Variants in TDRD12 observed in about 807,000 individuals in gnomAD.
The protein encoded by TDRD12 is putative ATP-dependent RNA helicase TDRD12.
A neutral mutation model predicts 133.5 loss-of-function variants in TDRD12; 158 were observed. That is an observed-to-expected ratio of 1.18 (90% CI 1.04 to 1.35). The LOEUF (loss-of-function observed/expected upper bound fraction) is 1.35. Among genes scored for constraint, TDRD12 ranks in the 40% most tolerant of loss-of-function variants. The pLI, the probability that TDRD12 is intolerant of heterozygous loss-of-function variation, is 0.00. For synonymous variants in TDRD12, 460 were observed against 477.9 expected, an observed-to-expected ratio of 0.96 and a Z score of 0.49; for missense variants, 1,443 against 1,321.3, an observed-to-expected ratio of 1.09 and a Z score of -1.43.
chr19:32,781,850 T>G (rs969333636), intron 11 of TDRD12, among the ~76,000 whole-genome samples: 7 of 152,188 alleles, frequency 4.6e-5, no homozygotes, highest in Non-Finnish European at 7.4e-5. Context: ...CCCTGGGAAA[T>G]TCTCTTGACT....
At chr19:32,751,335 T>G (rs1161191686) in intron 6 of TDRD12, among the ~76,000 whole-genome samples, 3 of 152,182 alleles carry the variant, frequency 2.0e-5, no homozygotes, top group Non-Finnish European at 4.4e-5. Flanking sequence ...TACCACATTT[T>G]GTGATGTGGA....
chr19:32,765,855 A>G (rs1970282824), intron 8 of TDRD12, among the ~76,000 whole-genome samples: 1 of 151,804 alleles, frequency 6.6e-6, no homozygotes. Flanking sequence ...AAACCTGCAC[A>G]TTGTGCACAT....
At chr19:32,811,182 G>A (rs1002531411) in intron 23 of TDRD12, 28 bp from the exon 24 acceptor site, 21 of 1,503,390 alleles carry the variant, frequency 1.4e-5, no homozygotes, top group African/African-American at 5.5e-5. Flanking sequence ...GAATCTCTGC[G>A]TTGAACCGAT....
chr19:32,778,251 A>G (rs1970665469), intron 11 of TDRD12, among the ~76,000 whole-genome samples: 1 of 151,734 alleles, frequency 6.6e-6, no homozygotes, highest in Admixed American at 6.6e-5. Flanking sequence ...ACCCCACAGG[A>G]CACCACCCAG....
In TDRD12 at chr19:32,777,236, A is replaced by G. The variant is rs1970609542; in HGVS notation, c.1121+7A>G. On this transcript the variant is annotated splice_region_variant and intron_variant, in intron 11 of 27. Transcript: ENST00000444215. ...AGAAGAATAGCTGTGTGAAGTAAGA[A>G]TTTTTTCCTTGGCCTGAATTGTGTA... 1 of 1,497,444 alleles carries G rather than the reference A, an allele frequency of 6.7e-7. No individual in the cohort carries two copies. The highest frequency in any genetic ancestry group is 2.5e-5 in the East Asian group (1 of 40,374). The allele number at this position is 1,497,444 out of a possible 1,614,324, so 92.8% of individuals were successfully genotyped here.
At chr19:32,807,612 G>C in exon 22 of TDRD12, 1 of 1,535,174 alleles carries the variant, frequency 6.5e-7, no homozygotes, top group Non-Finnish European at 8.7e-7. Flanking sequence ...CCAGGAAACT[G>C]TCCAGCCAAG....
intron 10 of TDRD12, among the ~76,000 whole-genome samples, chr19:32,775,244 A>G (rs977322343): frequency 3.9e-5 from 6 of 152,178 alleles, no homozygotes; most frequent in East Asian, 1.9e-4. Context: ...CTGCAGATCA[A>G]TGATTCTACT....
At chr19:32,792,281 C>G (rs1971095423) in intron 13 of TDRD12, among the ~76,000 whole-genome samples, 1 of 151,608 alleles carries the variant, frequency 6.6e-6, no homozygotes, top group South Asian at 2.1e-4. Context: ...CTCAAGGAAA[C>G]AAACAATGCA....
chr19:32,806,346 T>G (rs1568489882), intron 21 of TDRD12, among the ~76,000 whole-genome samples: 1 of 151,328 alleles, frequency 6.6e-6, no homozygotes, highest in Non-Finnish European at 1.5e-5. Flanking sequence ...AGTTTTTTTT[T>G]TTTTTTTTTT....
intron 22 of TDRD12, among the ~76,000 whole-genome samples, chr19:32,807,916 T>C (rs967047203): frequency 6.6e-6 from 1 of 152,164 alleles, no homozygotes; most frequent in African/African-American, 2.4e-5. Flanking sequence ...ATGTTTCTAT[T>C]TGGGGGCCAT....
chr19:32,811,378 T>C lies in TDRD12; in HGVS notation c.3006T>C (p.Cys1002=), dbSNP rs551703924. ...CGCAGGCTGTGGAGTTTATTGTCTGTAGGGTGAAACCTGCTGACAACGAAA... is the reference window on the plus strand; with the variant it reads ...CGCAGGCTGTGGAGTTTATTGTCTGCAGGGTGAAACCTGCTGACAACGAAA... Residue 1002 remains cysteine (C), a synonymous_variant, in exon 24 of 28, where the codon TGT becomes TGC. Transcript: ENST00000444215. 1.1e-3 allele frequency: 1,704 copies of C among 1,536,116 alleles called. 7 individuals carry two copies. The highest frequency in any genetic ancestry group is 1.3e-3 in the Non-Finnish European group (1,548 of 1,146,902).
At chr19:32,730,653 G>A (rs12983074) in intron 1 of TDRD12, among the ~76,000 whole-genome samples, 76,751 of 151,720 alleles carry the variant, frequency 0.51, 19,643 homozygotes, top group African/African-American at 0.57. Context: ...CTTGGGCAAA[G>A]ATGTCATTTT....
intron 15 of TDRD12, 47 bp downstream of exon 15, chr19:32,797,938 A>G (rs773347264): frequency 4.6e-6 from 3 of 652,346 alleles, no homozygotes; most frequent in Non-Finnish European, 8.2e-6. Flanking sequence ...TATCCTTTTC[A>G]CTGTCTTCCC....
At position 32,820,847 on chromosome 19, in the gene TDRD12, G is replaced by A. The variant is rs955735931; in HGVS notation, c.3384-186G>A. The A allele has an allele frequency of 5.7e-5, 33 of 581,234 alleles. No homozygotes were observed. In the African/African-American group the frequency reaches 5.8e-4, roughly 10 times the overall value. The allele number at this position is 581,234 out of a possible 1,614,324, so 36.0% of individuals were successfully genotyped here. On this transcript the variant is annotated intron_variant, in intron 27 of 27. Coordinates refer to ENST00000444215, the Ensembl canonical transcript of TDRD12. The stretch of plus-strand genomic sequence containing the variant: ...CATGTCAGTCATGCACTGTGTGCTT[G>A]CCCATCATCCTTGTCGGAAGGAACA...
At position 32,739,002 on chromosome 19, in the gene TDRD12, T is replaced by G; in HGVS notation, c.320+10T>G. 6.5e-7 allele frequency: 1 copy of G among 1,549,946 alleles called. No individual in the cohort carries two copies. On this transcript the variant is annotated intron_variant, in intron 3 of 27. Transcript: ENST00000444215. The stretch of plus-strand genomic sequence containing the variant: ...CAGTCAAATCTAAAAAGTATGTACA[T>G]GTTTATCTCACCTTACGCTCTTTTC...
chr19:32,769,885 C>T (rs1454834908), intron 8 of TDRD12, among the ~76,000 whole-genome samples: 1 of 152,196 alleles, frequency 6.6e-6, no homozygotes, highest in Non-Finnish European at 1.5e-5. Context: ...ATCCACCCGC[C>T]TCAGCCTCCC....
At chr19:32,759,674 G>A (rs1458234726) in intron 8 of TDRD12, among the ~76,000 whole-genome samples, 1 of 152,006 alleles carries the variant, frequency 6.6e-6, no homozygotes. Flanking sequence ...TTTTCCAGAC[G>A]GTATTTATAA....
intron 5 of TDRD12, among the ~76,000 whole-genome samples, chr19:32,749,348 TA>T (rs10709746): frequency 0.56 from 85,447 of 151,902 alleles, 24,494 homozygotes; most frequent in East Asian, 0.82. Context: ...CCACTGTACT[TA>T]ACCTTGAAGG....
intron 8 of TDRD12, among the ~76,000 whole-genome samples, chr19:32,765,566 G>A (rs1449286653): frequency 6.6e-6 from 1 of 152,032 alleles, no homozygotes; most frequent in East Asian, 1.9e-4. Context: ...GCCATAAAAA[G>A]GATGAGTTCA....
Sources: gnomAD v4.1 joint callset for allele counts (sites outside exome capture counted in the v4.1 genomes callset) on GRCh38, gnomAD v4.1.1 for gene constraint, MANE v1.5 for transcripts, NCBI Gene and HGNC (gene_info 2026-07-23, HGNC 2026-07-21) for gene names.